The following HERC1 variants were observed in gnomAD, a reference collection of about 807,000 sequenced individuals.
HERC1 encodes HECT and RLD domain containing E3 ubiquitin protein ligase family member 1.
Under a neutral mutation model 554.3 loss-of-function variants are expected in HERC1, and 160 were observed. The ratio of observed to expected loss-of-function variants is 0.29; its 90% CI spans 0.25 to 0.33. The LOEUF (loss-of-function observed/expected upper bound fraction) is 0.33. HERC1 is among the 10% of genes least tolerant of loss of function. HERC1 has a pLI of 1.00. For missense variants in HERC1, 4,919 were observed against 5,918.5 expected (o/e 0.83, Z 5.54); for synonymous variants, 2,175 against 2,131.7 (o/e 1.02, Z -0.56).
chr15:63,828,634 C>A (rs1596340813), intron 1 of HERC1, among the ~76,000 whole-genome samples: 1 of 152,292 alleles, frequency 6.6e-6, no homozygotes, highest in African/African-American at 2.4e-5. Flanking sequence ...CCACCGCACC[C>A]AGCCCAGTAC....
At chr15:63,733,180 G>GT in intron 13 of HERC1, 35 bp from the exon 14 acceptor site, 8 of 1,362,320 alleles carry the variant, frequency 5.9e-6, no homozygotes, top group Non-Finnish European at 8.4e-6. Flanking sequence ...AGTAACTAGC[G>GT]TAATATGCAC....
chr15:63,803,022 T>A (rs1282479302), intron 1 of HERC1, among the ~76,000 whole-genome samples: 1 of 151,858 alleles, frequency 6.6e-6, no homozygotes, highest in African/African-American at 2.4e-5. Context: ...CTAGCCTGGG[T>A]GACATAATGA....
chr15:63,830,632 T>C (rs1426652558), intron 1 of HERC1, among the ~76,000 whole-genome samples: 3 of 152,254 alleles, frequency 2.0e-5, no homozygotes, highest in Non-Finnish European at 4.4e-5. Context: ...ATTATGGTTA[T>C]GTAAGTTGTT....
chr15:63,804,403 T>C (rs1391671948), intron 1 of HERC1, among the ~76,000 whole-genome samples: 1 of 151,956 alleles, frequency 6.6e-6, no homozygotes, highest in South Asian at 2.1e-4. Flanking sequence ...CTGGCCAACA[T>C]GGTGAAACCC....
At chr15:63,627,423 G>A (rs1322968943) in intron 70 of HERC1, among the ~76,000 whole-genome samples, 1 of 152,134 alleles carries the variant, frequency 6.6e-6, no homozygotes, top group African/African-American at 2.4e-5. Flanking sequence ...TGTAATCCCA[G>A]CACTTTGGGA....
At chr15:63,636,997 C>T (rs2068810586) in intron 64 of HERC1, 3 of 379,158 alleles carry the variant, frequency 7.9e-6, no homozygotes, top group South Asian at 3.9e-5. Context: ...CCTAAAAAAA[C>T]CGTCGGTGCT....
intron 19 of HERC1, among the ~76,000 whole-genome samples, chr15:63,721,451 G>A (rs942981454): frequency 2.6e-5 from 4 of 152,238 alleles, no homozygotes; most frequent in Non-Finnish European, 2.9e-5. Context: ...GTTTGAACTC[G>A]GAAGGCGGAG....
intron 38 of HERC1, 30 bp downstream of exon 38, chr15:63,674,312 A>G (rs1234409967): frequency 1.3e-6 from 2 of 1,486,930 alleles, no homozygotes; most frequent in Admixed American, 2.1e-5. Flanking sequence ...ACAGCACAAA[A>G]GCAAAAAAAA....
At chr15:63,739,479 G>T (rs548512726) in intron 12 of HERC1, among the ~76,000 whole-genome samples, 1 of 152,010 alleles carries the variant, frequency 6.6e-6, no homozygotes, top group East Asian at 2.0e-4. Context: ...TTATAGGCGT[G>T]AGCCACTGCA....
chr15:63,815,421 T>C (rs2077460386), intron 1 of HERC1, among the ~76,000 whole-genome samples: 3 of 152,208 alleles, frequency 2.0e-5, no homozygotes, highest in Non-Finnish European at 4.4e-5. Flanking sequence ...AGTTTCCTCA[T>C]CTATAAAATA....
Position 63,756,619 on chromosome 15 carries a change from A to G in HERC1, c.1351T>C (p.Phe451Leu), listed in dbSNP as rs769920710. 1 of 1,613,814 alleles carries G rather than the reference A, an allele frequency of 6.2e-7. No homozygotes were observed. Among genetic ancestry groups the G allele is most frequent in the Non-Finnish European group, 8.5e-7 (1 of 1,179,780 alleles). ...NNQSTLKKLT[F>L]EPHRSIKKVS... ...TTTTTAATGGATCTGTGAGGCTCGA[A>G]TGTTAACTTTTTTAAAGTTGACTGA... The change falls in exon 5 of 78, where the codon TTC becomes CTC. Residue 451 changes from phenylalanine (F) to leucine (L), a missense_variant. Around this residue, in one of 11 missense-constraint regions of HERC1, gnomAD observed 744 missense variants for 1,090.0 expected, o/e 0.68. Coordinates refer to ENST00000443617, the MANE Select transcript of HERC1 (RefSeq NM_003922.4). The surrounding 1 kb of genome is among the most constrained non-coding windows in gnomAD (Gnocchi z 5.0).
Position 63,775,844 on chromosome 15 carries a change from C to A in HERC1, c.-26-195G>T, listed in dbSNP as rs2076096915. Among the ~76,000 whole-genome samples, 1 of 152,082 alleles carries A rather than the reference C, an allele frequency of 6.6e-6. No homozygotes were observed. Among genetic ancestry groups the A allele is most frequent in the African/African-American group, 2.4e-5 (1 of 41,418 alleles). Reference sequence around the variant, plus strand: ...CTTGAGGCCAGGAGTTCAAGACGAGCCTGGCCAACATTATGAAACCCCATC... The same window carrying A: ...CTTGAGGCCAGGAGTTCAAGACGAGACTGGCCAACATTATGAAACCCCATC... On this transcript the variant is annotated intron_variant, in intron 1 of 77. Coordinates refer to ENST00000443617, the MANE Select transcript of HERC1 (RefSeq NM_003922.4). This position sits in a 1 kb window ranked among gnomAD's most constrained non-coding sequence, Gnocchi z 4.0.
chr15:63,829,541 G>GTA (rs1283886354), intron 1 of HERC1, among the ~76,000 whole-genome samples: 1 of 42,784 alleles, frequency 2.3e-5, no homozygotes, highest in Non-Finnish European at 4.7e-5. Flanking sequence ...GCACATATAT[G>GTA]TATGTGTGTG....
chr15:63,810,755 A>T (rs2077279220), intron 1 of HERC1, among the ~76,000 whole-genome samples: 1 of 152,196 alleles, frequency 6.6e-6, no homozygotes, highest in Non-Finnish European at 1.5e-5. Flanking sequence ...TATTAATTAC[A>T]AAGGGGAAAA....
intron 1 of HERC1, among the ~76,000 whole-genome samples, chr15:63,811,853 C>T (rs1350970489): frequency 6.7e-6 from 1 of 149,992 alleles, no homozygotes; most frequent in Non-Finnish European, 1.5e-5. Flanking sequence ...CAAAGGTTAT[C>T]TTTGACAATG....
At chr15:63,764,806 A>C (rs1033123552) in intron 2 of HERC1, among the ~76,000 whole-genome samples, 17 of 152,186 alleles carry the variant, frequency 1.1e-4, no homozygotes, top group Non-Finnish European at 2.4e-4. Context: ...CTCCCAACAG[A>C]CAGAAAAAAA....
intron 1 of HERC1, among the ~76,000 whole-genome samples, chr15:63,829,911 A>C (rs1288437928): frequency 7.9e-5 from 12 of 152,174 alleles, no homozygotes; most frequent in African/African-American, 2.4e-4. Flanking sequence ...TAATCCATAG[A>C]AAATAGAGAT....
At chr15:63,683,902 T>TA (rs2071610562) in intron 34 of HERC1, among the ~76,000 whole-genome samples, 1 of 152,238 alleles carries the variant, frequency 6.6e-6, no homozygotes, top group Admixed American at 6.5e-5. Context: ...GACTATAAGC[T>TA]AAAACCTGAC....
At chr15:63,668,000 A>G (rs541428915) in intron 40 of HERC1, among the ~76,000 whole-genome samples, 1 of 152,218 alleles carries the variant, frequency 6.6e-6, no homozygotes, top group Admixed American at 6.5e-5. Context: ...CAGATTTTCA[A>G]CTGTTCAGGG....
Sources: gnomAD v4.1 joint callset for allele counts (sites outside exome capture counted in the v4.1 genomes callset) on GRCh38, gnomAD v4.1.1 for gene constraint, gnomAD v4.1.1 regional missense constraint, Gnocchi (gnomAD v3.1) non-coding constraint, MANE v1.5 for transcripts, NCBI Gene and HGNC (gene_info 2026-07-23, HGNC 2026-07-21) for gene names.